Variants in ZNF700 observed in about 807,000 individuals in gnomAD.
ZNF700 encodes zinc finger protein 700.
A neutral mutation model predicts 65.3 loss-of-function variants in ZNF700; 38 were observed. The observed-to-expected ratio is 0.58, with a 90% CI of 0.45 to 0.76. The LOEUF is 0.76. ZNF700 is among the 30% of genes least tolerant of loss of function. The probability of loss-of-function intolerance (pLI) is 0.00; values close to 1 mark genes in which losing one functional copy is unlikely to be tolerated. For missense variants in ZNF700, 857 were observed against 888.4 expected (o/e 0.96, Z 0.45); for synonymous variants, 285 against 290.4 (o/e 0.98, Z 0.19).
At chr19:11,928,160 A>AT (rs1384859748) in intron 1 of ZNF700, among the ~76,000 whole-genome samples, 3 of 151,830 alleles carry the variant, frequency 2.0e-5, no homozygotes, top group Non-Finnish European at 4.4e-5. Flanking sequence ...CTAATTTTTT[A>AT]TTTTTTACAG....
chr19:11,930,995 G>T (rs374715755), intron 1 of ZNF700, among the ~76,000 whole-genome samples: 2 of 139,288 alleles, frequency 1.4e-5, no homozygotes, highest in African/African-American at 3.0e-5. Flanking sequence ...ACAAAATTCC[G>T]TCTCAAAAAA....
At position 11,935,163 on chromosome 19, in the gene ZNF700, G is replaced by A. The variant is rs371975127; in HGVS notation, c.63+9890G>A. Among the ~76,000 whole-genome samples the A allele has an allele frequency of 2.1e-3, 267 of 130,112 alleles. 3 individuals carry two copies. Among genetic ancestry groups the A allele is most frequent in the South Asian group, 0.013 (50 of 3,762 alleles). The allele number at this position is 130,112 out of a possible 152,430, so 85.4% of individuals were successfully genotyped here. ...TGCACTCCAGCCTGGGCGACAGAGCGAGACTCCGTCTCAAAAAAAAAAAAA... is the reference window on the plus strand; with the variant it reads ...TGCACTCCAGCCTGGGCGACAGAGCAAGACTCCGTCTCAAAAAAAAAAAAA... On this transcript the variant is annotated intron_variant, in intron 1 of 3. Transcript: ENST00000254321.
In ZNF700 at chr19:11,949,914, A is replaced by G. The variant is rs1469676994; in HGVS notation, c.1890A>G (p.Arg630=). The change falls in exon 4 of 4, where the codon AGA becomes AGG. Residue 630 remains arginine (R), a synonymous_variant. Transcript: ENST00000254321. ...YECKQCGKAF[R]SASNLQMHER... is the part of the protein sequence containing the mutation. Reference sequence around the variant, plus strand: ...GTAAGCAATGTGGGAAAGCCTTCAGATCTGCCTCAAACCTTCAGATGCATG... The same window carrying G: ...GTAAGCAATGTGGGAAAGCCTTCAGGTCTGCCTCAAACCTTCAGATGCATG... 12 of 1,613,588 alleles carry G rather than the reference A, an allele frequency of 7.4e-6. No homozygotes were observed. Among genetic ancestry groups the G allele is most frequent in the African/African-American group, 1.3e-5 (1 of 74,774 alleles).
At position 11,925,289 on chromosome 19, in the gene ZNF700, C is replaced by A; in HGVS notation, c.63+16C>A. On this transcript the variant is annotated intron_variant, in intron 1 of 3. Coordinates refer to ENST00000254321, the MANE Select transcript of ZNF700 (RefSeq NM_144566.3). ...CCGGGAAATGGTGCGTGTGCGGGAC[C>A]AGATGTCGTGAGACGGGGGAGGGGC... 1 of 1,611,020 alleles carries A rather than the reference C, an allele frequency of 6.2e-7. No individual in the cohort carries two copies. The highest frequency in any genetic ancestry group is 1.1e-5 in the South Asian group (1 of 91,040).
Position 11,949,713 on chromosome 19 carries a change from C to T in ZNF700, c.1689C>T (p.Pro563=). ...AAAGGACTCACACTGGAGAGAAACCCTATGAGTGTAAGCAATGTGGGAAAG... is the reference window on the plus strand; with the variant it reads ...AAAGGACTCACACTGGAGAGAAACCTTATGAGTGTAAGCAATGTGGGAAAG... The part of the protein sequence containing the change: ...YHERTHTGEK[P]YECKQCGKAF... The change falls in exon 4 of 4, where the codon CCC becomes CCT. Residue 563 remains proline, a synonymous_variant. Coordinates refer to ENST00000254321, the MANE Select transcript of ZNF700 (RefSeq NM_144566.3). 6.2e-7 allele frequency: 1 copy of T among 1,613,986 alleles called. No individual in the cohort carries two copies.
intron 1 of ZNF700, among the ~76,000 whole-genome samples, chr19:11,929,750 C>T (rs538942194): frequency 6.8e-6 from 1 of 148,024 alleles, no homozygotes; most frequent in African/African-American, 2.6e-5. Flanking sequence ...AAATCCTCCA[C>T]CCTCATACCA....
chr19:11,929,652 C>T (rs1972685092), intron 1 of ZNF700, among the ~76,000 whole-genome samples: 1 of 147,976 alleles, frequency 6.8e-6, no homozygotes, highest in Non-Finnish European at 1.5e-5. Context: ...ACAGTTCAGT[C>T]TCATTGCTTG....
intron 1 of ZNF700, 65 bp downstream of exon 1, chr19:11,925,338 C>T: frequency 1.3e-6 from 2 of 1,595,070 alleles, no homozygotes. Context: ...CGGGAACCGG[C>T]TGTGGCGGGA....
chr19:11,948,230 G>A, intron 3 of ZNF700, 46 bp from the exon 4 acceptor site: 1 of 1,580,600 alleles, frequency 6.3e-7, no homozygotes, highest in African/African-American at 1.4e-5. Context: ...TAATATAGAA[G>A]TACTTGTAAA....
At position 11,929,657 on chromosome 19, in the gene ZNF700, T is replaced by G. The variant is rs560090092; in HGVS notation, c.63+4384T>G. On this transcript the variant is annotated intron_variant, in intron 1 of 3. Transcript: ENST00000254321. Reference sequence around the variant, plus strand: ...GACACTACACACAGTTCAGTCTCATTGCTTGTTATTTAAATTTTTCCACAC... The same window carrying G: ...GACACTACACACAGTTCAGTCTCATGGCTTGTTATTTAAATTTTTCCACAC... Among the ~76,000 whole-genome samples, 38 of 148,010 alleles carry G rather than the reference T, an allele frequency of 2.6e-4. 9 individuals carry two copies. Among genetic ancestry groups the G allele is most frequent in the African/African-American group, 9.0e-4 (34 of 37,808 alleles).
intron 1 of ZNF700, among the ~76,000 whole-genome samples, chr19:11,930,189 A>G (rs1429358292): frequency 1.3e-5 from 2 of 148,442 alleles, no homozygotes; most frequent in African/African-American, 2.6e-5. Flanking sequence ...TCCTAACTTC[A>G]GTTTCCATTA....
At chr19:11,947,448 A>G in intron 2 of ZNF700, 66 bp from the exon 3 acceptor site, 1 of 1,601,666 alleles carries the variant, frequency 6.2e-7, no homozygotes, top group East Asian at 2.2e-5. Flanking sequence ...TCATGGGCAC[A>G]GAATCTAATA....
At chr19:11,941,670 G>A (rs1047585689) in intron 1 of ZNF700, among the ~76,000 whole-genome samples, 3 of 152,132 alleles carry the variant, frequency 2.0e-5, no homozygotes, top group Non-Finnish European at 2.9e-5. Context: ...TCCCGCTCGC[G>A]CCTCTCCCTC....
At chr19:11,927,103 A>T (rs1405869190) in intron 1 of ZNF700, among the ~76,000 whole-genome samples, 1 of 152,180 alleles carries the variant, frequency 6.6e-6, no homozygotes, top group Non-Finnish European at 1.5e-5. Context: ...CTGTAATCCA[A>T]GCACTTTGGG....
At chr19:11,942,146 GT>G (rs1972894977) in intron 1 of ZNF700, among the ~76,000 whole-genome samples, 1 of 150,846 alleles carries the variant, frequency 6.6e-6, no homozygotes. Context: ...CATAATGGAT[GT>G]TTCTTTCTAC....
At chr19:11,925,853 G>A (rs993893141) in intron 1 of ZNF700, among the ~76,000 whole-genome samples, 5 of 152,340 alleles carry the variant, frequency 3.3e-5, no homozygotes, top group African/African-American at 1.2e-4. Flanking sequence ...ACCCCAAGCA[G>A]CCTGGAGTAA....
intron 1 of ZNF700, among the ~76,000 whole-genome samples, chr19:11,944,867 T>A (rs1226866052): frequency 1.3e-5 from 2 of 152,196 alleles, no homozygotes; most frequent in Non-Finnish European, 2.9e-5. Flanking sequence ...TTGAAGTGAC[T>A]CCTGGCCTAG....
rs892224118 is a variant in ZNF700, at chr19:11,948,972, A to T, written c.948A>T (p.Ala316=). Residue 316 remains alanine, a synonymous_variant, in exon 4 of 4, where the codon GCA becomes GCT. Transcript: ENST00000254321. ...GCAAAGAATGTGGAAAAGCATTTGC[A>T]TATACCAGTTCTCTTCGTAGACATG... The part of the protein sequence containing the change: ...YQCKECGKAF[A]YTSSLRRHER... 3 of 1,608,810 alleles carry T rather than the reference A, an allele frequency of 1.9e-6. No homozygotes were observed. The highest frequency in any genetic ancestry group is 1.7e-5 in the Admixed American group (1 of 58,040).
In ZNF700 at chr19:11,949,478, A is replaced by G. The variant is rs773401578; in HGVS notation, c.1454A>G (p.Tyr485Cys). The G allele has an allele frequency of 1.2e-6, 2 of 1,609,270 alleles. No individual in the cohort carries two copies. The highest frequency in any genetic ancestry group is 1.7e-5 in the Admixed American group (1 of 58,918). The change falls in exon 4 of 4, where the codon TAT becomes TGT. Residue 485 changes from tyrosine to cysteine, a missense_variant. This residue lies in a region of ZNF700 where 603 missense variants were observed against 619.9 expected (regional missense o/e 0.97). Transcript: ENST00000254321. ...AAGGAATGTGGGAAAGCCTTCAGATATGTGAAGCACCTTCAAATTCATGAA... is the reference window on the plus strand; with the variant it reads ...AAGGAATGTGGGAAAGCCTTCAGATGTGTGAAGCACCTTCAAATTCATGAA... ...ECKECGKAFR[Y>C]VKHLQIHERT...
Sources: gnomAD v4.1 joint callset for allele counts (sites outside exome capture counted in the v4.1 genomes callset) on GRCh38, gnomAD v4.1.1 for gene constraint, gnomAD v4.1.1 regional missense constraint, MANE v1.5 for transcripts, NCBI Gene and HGNC (gene_info 2026-07-23, HGNC 2026-07-21) for gene names.